CASZ1: variants seen among roughly 807,000 people sequenced by gnomAD.
The protein encoded by CASZ1 is zinc finger protein castor homolog 1.
In CASZ1, 28 loss-of-function variants were observed where a neutral mutation model predicts 135.2. That is an observed-to-expected ratio of 0.21 (90% CI 0.15 to 0.28). CASZ1 has a LOEUF of 0.28. CASZ1 is among the 10% of genes least tolerant of loss of function. CASZ1 has a pLI of 1.00. For synonymous variants in CASZ1, 1,068 were observed against 1,073.4 expected (o/e 0.99, Z 0.10); for missense variants, 2,161 against 2,453.3 (o/e 0.88, Z 2.52).
In CASZ1 at chr1:10,672,304, G is replaced by A. The variant is rs539608539; in HGVS notation, c.17-6733C>T. Among the ~76,000 whole-genome samples the A allele has an allele frequency of 5.8e-5, 8 of 138,170 alleles. No homozygotes were observed. In the South Asian group the frequency reaches 2.0e-3, roughly 34 times the overall value. 90.6% of individuals were successfully genotyped at this position (138,170 alleles called of 152,430 possible). ...CCAGCCTCCAACATGCCCCGCGCCC[G>A]GGCCTCTCAGGAAGGTCATTACAAA... On this transcript the variant is annotated intron_variant, in intron 4 of 20. Transcript: ENST00000377022.
rs1640064698 is a variant in CASZ1 at position 10,747,430 on chromosome 1, G to T, written c.-77+13271C>A. ...GGCTGCCATTGAGGGTCTAACAGTG[G>T]CCAGGTCCCAGCGGCAGATGAAAGG... On this transcript the variant is annotated intron_variant, in intron 2 of 20. Coordinates refer to ENST00000377022, the MANE Select transcript of CASZ1 (RefSeq NM_001079843.3). This position sits in a 1 kb window ranked among gnomAD's most constrained non-coding sequence, Gnocchi z 4.3. Among the ~76,000 whole-genome samples, 1 of 152,206 alleles carries T rather than the reference G, an allele frequency of 6.6e-6. No homozygotes were observed. Among genetic ancestry groups the T allele is most frequent in the Non-Finnish European group, 1.5e-5 (1 of 68,040 alleles).
intron 4 of CASZ1, among the ~76,000 whole-genome samples, chr1:10,672,074 C>T (rs150060800): frequency 0.048 from 7,311 of 152,250 alleles, 254 homozygotes; most frequent in South Asian, 0.1. Context: ...GGGGGACCTG[C>T]CCAGGCCACC....
Position 10,655,759 on chromosome 1 carries a change from C to T in CASZ1, c.1555G>A (p.Asp519Asn), listed in dbSNP as rs749998383. ...IRHYNMHKKR[D>N]NSLQHGFMRF... ...ATGAAGCCGTGCTGCAGGGAGTTGT[C>T]GCGCTTCTTGTGCATGTTGTAGTGG... The change falls in exon 9 of 21, where the codon GAC becomes AAC. Residue 519 changes from aspartate (D) to asparagine (N), a missense_variant. This residue lies in a region of CASZ1 where 248 missense variants were observed against 410.8 expected (regional missense o/e 0.60). Coordinates refer to ENST00000377022, the MANE Select transcript of CASZ1 (RefSeq NM_001079843.3). 6 of 1,614,212 alleles carry T rather than the reference C, an allele frequency of 3.7e-6. No individual in the cohort carries two copies. Among genetic ancestry groups the T allele is most frequent in the East Asian group, 2.2e-5 (1 of 44,890 alleles).
intron 1 of CASZ1, among the ~76,000 whole-genome samples, chr1:10,770,554 G>C (rs1178501090): frequency 2.0e-5 from 3 of 152,144 alleles, no homozygotes; most frequent in Non-Finnish European, 2.9e-5. Flanking sequence ...TGGGCCCCTA[G>C]CTGCGGGGTG....
intron 2 of CASZ1, among the ~76,000 whole-genome samples, chr1:10,730,295 A>T (rs1341962840): frequency 2.0e-5 from 3 of 152,016 alleles, no homozygotes; most frequent in Admixed American, 6.6e-5. Flanking sequence ...CGGCCTCCCA[A>T]AGTGCTGGGA....
chr1:10,748,317 C>T (rs918825574), intron 2 of CASZ1, among the ~76,000 whole-genome samples: 6 of 152,284 alleles, frequency 3.9e-5, no homozygotes, highest in Middle Eastern at 6.8e-3. Context: ...GTGTATATAC[C>T]GTGTTCTTCA....
At chr1:10,656,599 G>T in intron 8 of CASZ1, 47 bp downstream of exon 8, 1 of 1,394,826 alleles carries the variant, frequency 7.2e-7, no homozygotes, top group Non-Finnish European at 1.0e-6. Flanking sequence ...GCGCCTCCAT[G>T]CTGTGCTGGT....
At chr1:10,687,119 G>C (rs780307559) in intron 4 of CASZ1, among the ~76,000 whole-genome samples, 1 of 152,160 alleles carries the variant, frequency 6.6e-6, no homozygotes, top group Non-Finnish European at 1.5e-5. Flanking sequence ...CGCTGCACTA[G>C]GGTCCCCCCA....
chr1:10,785,359 T>C (rs1350782366), intron 1 of CASZ1, among the ~76,000 whole-genome samples: 4 of 152,022 alleles, frequency 2.6e-5, no homozygotes, highest in Non-Finnish European at 5.9e-5. Flanking sequence ...AGATAAATCC[T>C]TCAAGCACGT....
intron 1 of CASZ1, among the ~76,000 whole-genome samples, chr1:10,789,290 C>G (rs114732442): frequency 0.01 from 1,585 of 150,970 alleles, 34 homozygotes; most frequent in African/African-American, 0.034. Flanking sequence ...GGGGTCCCCC[C>G]ACCCCAGCCT....
In CASZ1 at chr1:10,774,754, G is replaced by A. The variant is rs1335222264; in HGVS notation, c.-233-13897C>T. ...CTAGAGGAACCACCAGGAGAGGCTGGAGGCTTGAGCCCTCCCTCCTCTGTC... is the reference window on the plus strand; with the variant it reads ...CTAGAGGAACCACCAGGAGAGGCTGAAGGCTTGAGCCCTCCCTCCTCTGTC... On this transcript the variant is annotated intron_variant, in intron 1 of 20. Transcript: ENST00000377022. This position sits in a 1 kb window ranked among gnomAD's most constrained non-coding sequence, Gnocchi z 4.4. 2.0e-5 allele frequency among the ~76,000 whole-genome samples: 3 copies of A among 152,058 alleles called. No homozygotes were observed. Among genetic ancestry groups the A allele is most frequent in the Non-Finnish European group, 4.4e-5 (3 of 67,998 alleles).
At chr1:10,772,815 G>T (rs2100596417) in intron 1 of CASZ1, among the ~76,000 whole-genome samples, 1 of 152,282 alleles carries the variant, frequency 6.6e-6, no homozygotes, top group African/African-American at 2.4e-5. Flanking sequence ...TGAGCATGAA[G>T]AGCTGTATGG....
chr1:10,773,994 T>G (rs1346796416), intron 1 of CASZ1, among the ~76,000 whole-genome samples: 5 of 152,290 alleles, frequency 3.3e-5, no homozygotes, highest in East Asian at 1.9e-4. Context: ...GGCAGCTCCC[T>G]GTGGTGGTCC....
In CASZ1 at chr1:10,755,379, C is replaced by T. The variant is rs555794525; in HGVS notation, c.-77+5322G>A. On this transcript the variant is annotated intron_variant, in intron 2 of 20. Coordinates refer to ENST00000377022, the MANE Select transcript of CASZ1 (RefSeq NM_001079843.3). This position sits in a 1 kb window ranked among gnomAD's most constrained non-coding sequence, Gnocchi z 4.3. ...CTCCTCCATGTGTGAGACCTGACGT[C>T]GCCTCTCCAATGCCAGCCTCTCTCA... 7.9e-5 allele frequency among the ~76,000 whole-genome samples: 12 copies of T among 152,292 alleles called. No homozygotes were observed. The highest frequency in any genetic ancestry group is 1.6e-4 in the Non-Finnish European group (11 of 68,010).
At position 10,648,025 on chromosome 1, in the gene CASZ1, AGGAGGGACC is replaced by A. The variant is rs748876229; in HGVS notation, c.3264_3272del (p.Pro1090_Val1092del). 6.9e-6 allele frequency: 11 copies of A among 1,600,616 alleles called. No homozygotes were observed. In the South Asian group the frequency reaches 1.1e-4, roughly 16 times the overall value. ...GAGAGGACACCGTGGCCGTGGTGAC[AGGAGGGACC>A]GGAGGGGACGAGGGGGCCATGGGAG... On this transcript the variant is annotated inframe_deletion, in exon 16 of 21. Coordinates refer to ENST00000377022, the MANE Select transcript of CASZ1 (RefSeq NM_001079843.3).
At chr1:10,685,670 C>T (rs898521864) in intron 4 of CASZ1, among the ~76,000 whole-genome samples, 10 of 151,828 alleles carry the variant, frequency 6.6e-5, no homozygotes, top group Admixed American at 1.3e-4. Context: ...CCTCAGCCCC[C>T]GGGCACGAAG....
In CASZ1 at chr1:10,787,661, A is replaced by G. The variant is rs189252270; in HGVS notation, c.-234+8903T>C. On this transcript the variant is annotated intron_variant, in intron 1 of 20. Coordinates refer to ENST00000377022, the MANE Select transcript of CASZ1 (RefSeq NM_001079843.3). ...CACGCGCACGATCACCCGCACACACACACACGCATACACACACGCTCACCC... is the reference window on the plus strand; with the variant it reads ...CACGCGCACGATCACCCGCACACACGCACACGCATACACACACGCTCACCC... Among the ~76,000 whole-genome samples, 561 of 152,126 alleles carry G rather than the reference A, an allele frequency of 3.7e-3. 2 individuals carry two copies. The highest frequency in any genetic ancestry group is 0.011 in the African/African-American group (456 of 41,482).
At position 10,793,758 on chromosome 1, in the gene CASZ1, G is replaced by T. The variant is rs972792681; in HGVS notation, c.-234+2806C>A. Among the ~76,000 whole-genome samples, 26 of 152,084 alleles carry T rather than the reference G, an allele frequency of 1.7e-4. 1 individual carries two copies. The highest frequency in any genetic ancestry group is 4.6e-4 in the African/African-American group (19 of 41,498). ...GGGCGGCGATCTCTCCAATTCGCCG[G>T]ACTCTGGGGACAGAGATGGTGGCTA... On this transcript the variant is annotated intron_variant, in intron 1 of 20. Coordinates refer to ENST00000377022, the MANE Select transcript of CASZ1 (RefSeq NM_001079843.3).
intron 2 of CASZ1, among the ~76,000 whole-genome samples, chr1:10,740,668 T>G (rs1639898809): frequency 6.6e-6 from 1 of 152,160 alleles, no homozygotes; most frequent in Admixed American, 6.5e-5. Flanking sequence ...CAGAAAAATT[T>G]CAGGGCACAA....
Sources: allele counts gnomAD v4.1 joint callset (sites outside exome capture counted in the v4.1 genomes callset), GRCh38; gene constraint gnomAD v4.1.1; regional missense constraint gnomAD v4.1.1; non-coding constraint Gnocchi (gnomAD v3.1); transcripts MANE v1.5; gene names NCBI Gene and HGNC (gene_info 2026-07-23, HGNC 2026-07-21).